FBXO11: variants seen among roughly 807,000 people sequenced by gnomAD.
The protein encoded by FBXO11 is F-box protein 11, also known as F-box only protein 11.
Under a neutral mutation model 117.0 loss-of-function variants are expected in FBXO11, and 13 were observed. That is an observed-to-expected ratio of 0.11 (90% CI 0.07 to 0.18). The LOEUF (loss-of-function observed/expected upper bound fraction) is 0.18, where lower values mean the gene tolerates loss of function less well. Among genes scored for constraint, FBXO11 ranks in the 10% least tolerant of loss-of-function variants. The pLI, the probability that FBXO11 is intolerant of heterozygous loss-of-function variation, is 1.00. For missense variants in FBXO11, 767 were observed against 1,164.4 expected (o/e 0.66, Z 4.97); for synonymous variants, 490 against 380.5 (o/e 1.29, Z -3.35).
chr2:47,851,749 CATA>C (rs1294057983), intron 1 of FBXO11, among the ~76,000 whole-genome samples: 2 of 152,152 alleles, frequency 1.3e-5, no homozygotes, highest in South Asian at 2.1e-4. Flanking sequence ...TGTATTTTCA[CATA>C]ATATTTAGAA....
chr2:47,880,072 T>C (rs939611689), intron 1 of FBXO11, among the ~76,000 whole-genome samples: 5 of 152,054 alleles, frequency 3.3e-5, no homozygotes, highest in Non-Finnish European at 7.4e-5. Flanking sequence ...CTCGGTTTAC[T>C]GCAGCCTCCA....
chr2:47,835,951 G>A lies in FBXO11; in HGVS notation c.638C>T (p.Pro213Leu). The A allele has an allele frequency of 1.2e-6, 2 of 1,611,488 alleles. No individual in the cohort carries two copies. Among genetic ancestry groups the A allele is most frequent in the Non-Finnish European group, 1.7e-6 (2 of 1,177,946 alleles). ...VFEYTRPMMH[P>L]EPGKFYQINP... is the part of the protein sequence containing the mutation. ...AATCTGGTAGAATTTTCCAGGTTCA[G>A]GATGCATCATAGGGCGAGTATATTC... Residue 213 changes from proline (P) to leucine (L), a missense_variant, in exon 5 of 23, where the codon CCT becomes CTT. This residue lies in a region of FBXO11 where 355 missense variants were observed against 299.8 expected (regional missense o/e 1.18). Transcript: ENST00000403359.
intron 1 of FBXO11, among the ~76,000 whole-genome samples, chr2:47,849,923 A>T (rs757724724): frequency 6.6e-5 from 10 of 152,228 alleles, no homozygotes; most frequent in Non-Finnish European, 1.3e-4. Context: ...TTAAAAACAA[A>T]ATATGGTCAC....
At chr2:47,904,709 C>A (rs13008929) in intron 1 of FBXO11, among the ~76,000 whole-genome samples, 102,520 of 151,312 alleles carry the variant, frequency 0.68, 35,780 homozygotes, top group African/African-American at 0.86. Flanking sequence ...GGGGGTCGCT[C>A]GGGGAGGACA....
Position 47,839,742 on chromosome 2 carries a change from G to A in FBXO11, c.260C>T (p.Ala87Val). 6.2e-7 allele frequency: 1 copy of A among 1,613,670 alleles called. No individual in the cohort carries two copies. Residue 87 changes from alanine to valine, a missense_variant, in exon 2 of 23, where the codon GCA (alanine) becomes GTA (valine). By Grantham distance (64) the Ala-to-Val change is moderately conservative (BLOSUM62 0). Around this residue, in one of 10 missense-constraint regions of FBXO11, gnomAD observed 355 missense variants for 299.8 expected, o/e 1.18. Coordinates refer to ENST00000403359, the MANE Select transcript of FBXO11 (RefSeq NM_001190274.2). ...TTGTGCACCAGGACCTGATTCTTCT[G>A]CAACCATATCTGCAGGCACATCATC... is the stretch of plus-strand genomic sequence containing the variant. ...RDDDVPADMV[A>V]EESGPGAQNS... is the part of the protein sequence containing the mutation.
At chr2:47,870,031 G>T (rs1277681332) in intron 1 of FBXO11, among the ~76,000 whole-genome samples, 1 of 152,158 alleles carries the variant, frequency 6.6e-6, no homozygotes, top group East Asian at 1.9e-4. Flanking sequence ...TCCCATGTGG[G>T]TGGGCCTTAT....
chr2:47,852,881 A>G (rs1222888024), intron 1 of FBXO11, among the ~76,000 whole-genome samples: 1 of 152,194 alleles, frequency 6.6e-6, no homozygotes, highest in African/African-American at 2.4e-5. Flanking sequence ...AACTCACACT[A>G]GGTCACACAG....
chr2:47,864,805 A>G (rs1408448879), intron 1 of FBXO11, among the ~76,000 whole-genome samples: 1 of 152,236 alleles, frequency 6.6e-6, no homozygotes, highest in Non-Finnish European at 1.5e-5. Flanking sequence ...ATTGAAAAGA[A>G]GCAAAGCCTT....
rs1187571167 is a variant in FBXO11 at position 47,906,420 on chromosome 2, G to T, written c.-700C>A. On this transcript the variant is annotated 5_prime_UTR_variant, in exon 1 of 23. Transcript: ENST00000403359. ...AAAGGAACCTTTCCTCCTCCTCCTCGTCAGCCCTGTCGCCGCTGCTTCTGC... is the reference window on the plus strand; with the variant it reads ...AAAGGAACCTTTCCTCCTCCTCCTCTTCAGCCCTGTCGCCGCTGCTTCTGC... 1.3e-5 allele frequency among the ~76,000 whole-genome samples: 2 copies of T among 152,088 alleles called. No homozygotes were observed.
chr2:47,832,932 C>A (rs901505568), intron 8 of FBXO11, 32 bp downstream of exon 8: 2 of 1,601,614 alleles, frequency 1.2e-6, no homozygotes, highest in African/African-American at 2.7e-5. Flanking sequence ...TTTATGATTT[C>A]AATGTGTATT....
chr2:47,871,843 T>C (rs1343661512), intron 1 of FBXO11, among the ~76,000 whole-genome samples: 2 of 152,264 alleles, frequency 1.3e-5, no homozygotes, highest in Non-Finnish European at 2.9e-5. Flanking sequence ...ACATGAGCAA[T>C]GTGCTTTTAA....
At chr2:47,832,244 A>AC (rs1227090749) in intron 11 of FBXO11, 105 bp downstream of exon 11, 2 of 914,758 alleles carry the variant, frequency 2.2e-6, no homozygotes, top group Non-Finnish European at 3.2e-6. Flanking sequence ...TTAAACCTAT[A>AC]CTCTTCAATT....
At chr2:47,829,972 C>A (rs571683855) in intron 11 of FBXO11, among the ~76,000 whole-genome samples, 3 of 152,248 alleles carry the variant, frequency 2.0e-5, no homozygotes, top group African/African-American at 4.8e-5. Flanking sequence ...GCAACACCCA[C>A]ACTGGAAGCA....
At chr2:47,848,624 TTAC>T (rs1395344142) in intron 1 of FBXO11, among the ~76,000 whole-genome samples, 1 of 152,238 alleles carries the variant, frequency 6.6e-6, no homozygotes, top group Non-Finnish European at 1.5e-5. Context: ...TTTCTAGATT[TTAC>T]TACAAATCCT....
intron 1 of FBXO11, among the ~76,000 whole-genome samples, chr2:47,873,698 C>T (rs1675790627): frequency 6.6e-6 from 1 of 152,230 alleles, no homozygotes; most frequent in Non-Finnish European, 1.5e-5. Flanking sequence ...TACCCATTCA[C>T]TCACTTTTCA....
chr2:47,905,758 A>G lies in FBXO11; in HGVS notation c.-38T>C, dbSNP rs1211556796. 23 of 1,304,980 alleles carry G rather than the reference A, an allele frequency of 1.8e-5. No individual in the cohort carries two copies. Among genetic ancestry groups the G allele is most frequent in the South Asian group, 2.5e-5 (2 of 80,804 alleles). 80.8% of individuals were successfully genotyped at this position (1,304,980 alleles called of 1,614,324 possible). A position where few individuals can be genotyped will look rare whatever the true frequency, so the allele number is the denominator to read the frequency against. Reference sequence around the variant, plus strand: ...GGTGGCGGCGTTGGCGGAGGGACACACACACGCACACGCACAGCGAGCTTC... The same window carrying G: ...GGTGGCGGCGTTGGCGGAGGGACACGCACACGCACACGCACAGCGAGCTTC... On this transcript the variant is annotated 5_prime_UTR_variant, in exon 1 of 23. Coordinates refer to ENST00000403359, the MANE Select transcript of FBXO11 (RefSeq NM_001190274.2).
At position 47,858,240 on chromosome 2, in the gene FBXO11, C is replaced by T. The variant is rs1259588315; in HGVS notation, c.233-18471G>A. ...GGCCAGGCTGGTCTTGAGCTCCTGA[C>T]CTCAGGTGGTCCACCCACCTCGGCC... On this transcript the variant is annotated intron_variant, in intron 1 of 22. Coordinates refer to ENST00000403359, the MANE Select transcript of FBXO11 (RefSeq NM_001190274.2). Among the ~76,000 whole-genome samples, 2 of 151,896 alleles carry T rather than the reference C, an allele frequency of 1.3e-5. 1 individual carries two copies. Among genetic ancestry groups the T allele is most frequent in the Non-Finnish European group, 2.9e-5 (2 of 67,964 alleles).
chr2:47,861,825 G>C (rs1674799918), intron 1 of FBXO11, among the ~76,000 whole-genome samples: 1 of 152,098 alleles, frequency 6.6e-6, no homozygotes, highest in African/African-American at 2.4e-5. Flanking sequence ...CTAACCTAAG[G>C]CCCATGTTGG....
chr2:47,843,289 CT>C (rs1312276102), intron 1 of FBXO11, among the ~76,000 whole-genome samples: 2 of 152,174 alleles, frequency 1.3e-5, no homozygotes, highest in Non-Finnish European at 2.9e-5. Context: ...TTAAACATGT[CT>C]AAAAAGATCT....
Sources: allele counts gnomAD v4.1 joint callset (sites outside exome capture counted in the v4.1 genomes callset), GRCh38; gene constraint gnomAD v4.1.1; regional missense constraint gnomAD v4.1.1; transcripts MANE v1.5; gene names NCBI Gene and HGNC (gene_info 2026-07-23, HGNC 2026-07-21).